Variants in SEMA3E observed in about 807,000 individuals in gnomAD.
SEMA3E encodes the protein semaphorin 3E.
In SEMA3E, 49 loss-of-function variants were observed where a neutral mutation model predicts 93.6. That is an observed-to-expected ratio of 0.52 (90% CI 0.42 to 0.66). The LOEUF (loss-of-function observed/expected upper bound fraction) is 0.66, where lower values mean the gene tolerates loss of function less well. SEMA3E is among the 30% of genes least tolerant of loss of function. The pLI, the probability that SEMA3E is intolerant of heterozygous loss-of-function variation, is 0.00. For missense variants in SEMA3E, 906 were observed against 964.8 expected (o/e 0.94, Z 0.81); for synonymous variants, 363 against 330.7 (o/e 1.10, Z -1.06).
intron 1 of SEMA3E, among the ~76,000 whole-genome samples, chr7:83,518,871 A>G (rs1790987102): frequency 6.6e-6 from 1 of 151,828 alleles, no homozygotes; most frequent in African/African-American, 2.4e-5. Flanking sequence ...CTGTTTCCCC[A>G]CTTCATAGCA....
chr7:83,619,240 GA>G (rs1362841038), intron 1 of SEMA3E, among the ~76,000 whole-genome samples: 2 of 150,838 alleles, frequency 1.3e-5, no homozygotes, highest in East Asian at 1.9e-4. Context: ...CTAACATACA[GA>G]AAAAAAATTC....
At chr7:83,603,464 T>C (rs3801567) in intron 1 of SEMA3E, among the ~76,000 whole-genome samples, 42,588 of 152,028 alleles carry the variant, frequency 0.28, 6,580 homozygotes, top group African/African-American at 0.4. Context: ...GGAAGCTTTG[T>C]ATTCTTATGA....
At chr7:83,597,946 A>C (rs552428010) in intron 1 of SEMA3E, among the ~76,000 whole-genome samples, 1 of 152,320 alleles carries the variant, frequency 6.6e-6, no homozygotes, top group African/African-American at 2.4e-5. Flanking sequence ...GTTTGAAATA[A>C]TTTAGATTAG....
At chr7:83,462,470 C>T (rs1025087044) in intron 4 of SEMA3E, among the ~76,000 whole-genome samples, 1 of 152,088 alleles carries the variant, frequency 6.6e-6, no homozygotes, top group African/African-American at 2.4e-5. Context: ...TATTCCTGGG[C>T]TACAGCCACA....
chr7:83,433,258 A>T (rs569582372), intron 4 of SEMA3E, among the ~76,000 whole-genome samples: 12 of 152,100 alleles, frequency 7.9e-5, no homozygotes, highest in Non-Finnish European at 1.6e-4. Context: ...AGAACGTTAA[A>T]ATGTAAATGT....
At position 83,394,334 on chromosome 7, in the gene SEMA3E, G is replaced by A; in HGVS notation, c.1463C>T (p.Pro488Leu). The A allele has an allele frequency of 6.2e-7, 1 of 1,612,520 alleles. No individual in the cohort carries two copies. The highest frequency in any genetic ancestry group is 8.5e-7 in the Non-Finnish European group (1 of 1,179,396). The change falls in exon 13 of 17, where the codon CCA becomes CTA. Residue 488 changes from proline (P) to leucine (L), a missense_variant. Physicochemically the swap from Pro to Leu is moderately conservative, Grantham distance 98 (BLOSUM62 -3). Coordinates refer to ENST00000643230, the MANE Select transcript of SEMA3E (RefSeq NM_012431.3). Reference sequence around the variant, plus strand: ...AATCTCCATAGAAATAATAGGAACTGGATCCTGAAATTTTAAAAAAGTTTT... The same window carrying A: ...AATCTCCATAGAAATAATAGGAACTAGATCCTGAAATTTTAAAAAAGTTTT... ...ILEELQIFKD[P>L]VPIISMEISS...
At chr7:83,471,926 T>C (rs1431251573) in intron 2 of SEMA3E, among the ~76,000 whole-genome samples, 1 of 152,222 alleles carries the variant, frequency 6.6e-6, no homozygotes, top group Non-Finnish European at 1.5e-5. Flanking sequence ...CAGTATTTGC[T>C]ATGTTGTAAT....
intron 1 of SEMA3E, among the ~76,000 whole-genome samples, chr7:83,584,711 TA>T (rs1357685568): frequency 6.6e-6 from 1 of 152,086 alleles, no homozygotes; most frequent in Non-Finnish European, 1.5e-5. Context: ...ACAATAGATG[TA>T]AACTTTAAAA....
intron 2 of SEMA3E, among the ~76,000 whole-genome samples, chr7:83,477,827 A>T (rs1790048429): frequency 6.6e-6 from 1 of 152,174 alleles, no homozygotes; most frequent in African/African-American, 2.4e-5. Context: ...GATACAATAA[A>T]GTTGAATAAA....
chr7:83,576,842 GTCTCAAAACTCCTGAGTGA>G (rs1443737137), intron 1 of SEMA3E, among the ~76,000 whole-genome samples: 1 of 152,070 alleles, frequency 6.6e-6, no homozygotes, highest in Non-Finnish European at 1.5e-5. Context: ...GGGCAGGCTG[GTCTCAAAACTCCTGAGTGA>G]TCCACTTGCC....
chr7:83,374,367 C>T (rs1223387178), intron 16 of SEMA3E, among the ~76,000 whole-genome samples: 2 of 152,026 alleles, frequency 1.3e-5, no homozygotes, highest in Admixed American at 1.3e-4. Flanking sequence ...CTTTGGGAGT[C>T]CAGATGGCAC....
At position 83,378,114 on chromosome 7, in the gene SEMA3E, T is replaced by G. The variant is rs554593190; in HGVS notation, c.1875+7180A>C. Among the ~76,000 whole-genome samples the G allele has an allele frequency of 2.0e-5, 3 of 151,946 alleles. No homozygotes were observed. In the South Asian group the frequency reaches 6.2e-4, roughly 32 times the overall value. On this transcript the variant is annotated intron_variant, in intron 16 of 16. Coordinates refer to ENST00000643230, the MANE Select transcript of SEMA3E (RefSeq NM_012431.3). Reference sequence around the variant, plus strand: ...TATACACCCTTCATAGAAGGAAGATTTAGGCTTGTATTTCAGATTAAAACT... The same window carrying G: ...TATACACCCTTCATAGAAGGAAGATGTAGGCTTGTATTTCAGATTAAAACT...
At chr7:83,560,820 A>G (rs1443747603) in intron 1 of SEMA3E, among the ~76,000 whole-genome samples, 3 of 152,006 alleles carry the variant, frequency 2.0e-5, no homozygotes, top group Non-Finnish European at 2.9e-5. Flanking sequence ...TGCTTTGAGT[A>G]TAGGTTATCA....
intron 1 of SEMA3E, among the ~76,000 whole-genome samples, chr7:83,588,795 C>T (rs1001995055): frequency 6.6e-6 from 1 of 152,062 alleles, no homozygotes; most frequent in Non-Finnish European, 1.5e-5. Context: ...CAAGAAAACA[C>T]AAAAGCTTAC....
At chr7:83,434,799 C>T (rs1051729669) in intron 4 of SEMA3E, among the ~76,000 whole-genome samples, 4 of 148,794 alleles carry the variant, frequency 2.7e-5, no homozygotes, top group Non-Finnish European at 6.0e-5. Flanking sequence ...CTGCAAGCTC[C>T]GCCTCCCGGG....
rs764562322 is a variant in SEMA3E, at chr7:83,396,653, T to A, written c.1443A>T (p.Glu481Asp). ...MESMEEVILEELQIFKDPVPI... is the reference protein window; with the variant it reads ...MESMEEVILEDLQIFKDPVPI... ...CTTTAAATACCTTGAATATCTGAAG[T>A]TCTTCTAGAATTACTTCTTCCATTG... The change falls in exon 12 of 17, where the codon GAA becomes GAT. Residue 481 changes from glutamate (E) to aspartate (D), a missense_variant. Transcript: ENST00000643230. The A allele has an allele frequency of 6.9e-6, 11 of 1,603,492 alleles. No individual in the cohort carries two copies. The Admixed American group carries it at 1.2e-4, about 17-fold the overall frequency.
chr7:83,454,272 A>AATATATATATATATATAT (rs71534491), intron 4 of SEMA3E, among the ~76,000 whole-genome samples: 3 of 110,110 alleles, frequency 2.7e-5, no homozygotes, highest in African/African-American at 1.3e-4. Context: ...AAAAAAAAAA[A>AATATATATATATATATAT]ATATATATAT....
At chr7:83,583,508 A>G (rs942953211) in intron 1 of SEMA3E, among the ~76,000 whole-genome samples, 47 of 152,088 alleles carry the variant, frequency 3.1e-4, no homozygotes, top group Non-Finnish European at 5.7e-4. Context: ...TCTGCTTTTT[A>G]TCTGCTTACC....
At chr7:83,465,257 G>T (rs928669675) in intron 4 of SEMA3E, among the ~76,000 whole-genome samples, 1 of 151,246 alleles carries the variant, frequency 6.6e-6, no homozygotes, top group East Asian at 2.0e-4. Context: ...CCTGTAAAAC[G>T]GCCCCACCCT....
Sources: allele counts gnomAD v4.1 joint callset (sites outside exome capture counted in the v4.1 genomes callset), GRCh38; gene constraint gnomAD v4.1.1; transcripts MANE v1.5; gene names NCBI Gene and HGNC (gene_info 2026-07-23, HGNC 2026-07-21).